LRRC66: variants seen among roughly 807,000 people sequenced by gnomAD.
LRRC66 encodes the protein leucine-rich repeat-containing protein 66.
Under a neutral mutation model 24.6 loss-of-function variants are expected in LRRC66, and 29 were observed. The observed-to-expected ratio is 1.18, with a 90% CI of 0.88 to 1.61. The LOEUF (loss-of-function observed/expected upper bound fraction) is 1.61, where lower values mean the gene tolerates loss of function less well. Among genes scored for constraint, LRRC66 ranks in the 40% most tolerant of loss-of-function variants. The pLI is 0.00. For missense variants in LRRC66, 1,124 were observed against 1,058.0 expected (o/e 1.06, Z -0.87); for synonymous variants, 411 against 397.6 (o/e 1.03, Z -0.40).
chr4:52,016,130 G>A lies in LRRC66; in HGVS notation c.496+988C>T, dbSNP rs536513687. Among the ~76,000 whole-genome samples the A allele has an allele frequency of 2.6e-5, 4 of 152,180 alleles. 1 individual carries two copies. In the South Asian group the frequency reaches 8.3e-4, roughly 32 times the overall value. Reference sequence around the variant, plus strand: ...ATGGAGAAGGTCAGGGAGATAAGACGCCCACCCTTCTCAAACAATTCTGCT... The same window carrying A: ...ATGGAGAAGGTCAGGGAGATAAGACACCCACCCTTCTCAAACAATTCTGCT... On this transcript the variant is annotated intron_variant, in intron 2 of 4. Coordinates refer to ENST00000682860, the MANE Select transcript of LRRC66 (RefSeq NM_001024611.3).
rs1736361570 is a variant in LRRC66 at position 51,997,923 on chromosome 4, G to A, written c.681C>T (p.Ser227=). 6.2e-7 allele frequency: 1 copy of A among 1,613,840 alleles called. No individual in the cohort carries two copies. Among genetic ancestry groups the A allele is most frequent in the Non-Finnish European group, 8.5e-7 (1 of 1,179,900 alleles). Residue 227 remains serine, a synonymous_variant, in exon 4 of 5, where the codon AGC becomes AGT. Coordinates refer to ENST00000682860, the MANE Select transcript of LRRC66 (RefSeq NM_001024611.3). ...GTAGGATGGTAATCAGAGCATTGTT[G>A]CTAAGGTCTATGACCTGTTTGAGAA... is the stretch of plus-strand genomic sequence containing the variant. ...DLKKLQVIDL[S]NNALITILPM...
rs369078257 is a variant in LRRC66 at position 51,995,333 on chromosome 4, G to C, written c.1689C>G (p.His563Gln). 26 of 1,614,048 alleles carry C rather than the reference G, an allele frequency of 1.6e-5. No homozygotes were observed. The highest frequency in any genetic ancestry group is 1.6e-4 in the Middle Eastern group (1 of 6,084). ...CATAACGGCTTGAGCCAGAGACAGC[G>C]TGAGACGTGCCAGCTACAGAAGAGA... The part of the protein sequence containing the change: ...VGVSSVAGTS[H>Q]AVSGSSRYDS... Residue 563 changes from histidine to glutamine, a missense_variant, in exon 5 of 5, where the codon CAC becomes CAG. Transcript: ENST00000682860.
intron 2 of LRRC66, among the ~76,000 whole-genome samples, chr4:52,008,359 A>G (rs1028339704): frequency 6.6e-6 from 1 of 152,108 alleles, no homozygotes; most frequent in Non-Finnish European, 1.5e-5. Context: ...TTATAAGTAT[A>G]ATATGCCTGA....
chr4:52,003,166 T>C (rs1736493729), intron 3 of LRRC66, 57 bp downstream of exon 3: 1 of 1,350,322 alleles, frequency 7.4e-7, no homozygotes, highest in South Asian at 1.3e-5. Flanking sequence ...AATATGCTTC[T>C]AATGTAATTG....
Position 51,995,057 on chromosome 4 carries a change from C to T in LRRC66, c.1965G>A (p.Glu655=). The part of the protein sequence containing the change: ...AEEALSAHYS[E]VPYGDPRDTG... ...TGTCTCTTGGGTCACCGTATGGAACCTCGCTGTAGTGGGCTGAAAGCGCTT... is the reference window on the plus strand; with the variant it reads ...TGTCTCTTGGGTCACCGTATGGAACTTCGCTGTAGTGGGCTGAAAGCGCTT... The change falls in exon 5 of 5, where the codon GAG becomes GAA. Residue 655 remains glutamate, a synonymous_variant. Transcript: ENST00000682860. 1.2e-6 allele frequency: 2 copies of T among 1,614,150 alleles called. No individual in the cohort carries two copies. The highest frequency in any genetic ancestry group is 1.1e-5 in the South Asian group (1 of 91,082).
intron 1 of LRRC66, chr4:52,018,308 G>GA (rs1203339006): frequency 1.0e-5 from 10 of 984,660 alleles, no homozygotes; most frequent in Non-Finnish European, 1.2e-5. Flanking sequence ...ACATTTTTGA[G>GA]AAAAAATTCA....
At chr4:52,019,395 T>A (rs1736894419) in intron 1 of LRRC66, among the ~76,000 whole-genome samples, 1 of 152,204 alleles carries the variant, frequency 6.6e-6, no homozygotes, top group Non-Finnish European at 1.5e-5. Flanking sequence ...TATCTATCTA[T>A]CCAATGTTTT....
chr4:52,004,779 G>A (rs1247389422), intron 2 of LRRC66, among the ~76,000 whole-genome samples: 1 of 152,162 alleles, frequency 6.6e-6, no homozygotes, highest in Non-Finnish European at 1.5e-5. Flanking sequence ...CACCATCAAG[G>A]TTGTCATATG....
At chr4:52,011,939 C>T (rs897004517) in intron 2 of LRRC66, among the ~76,000 whole-genome samples, 3 of 152,142 alleles carry the variant, frequency 2.0e-5, no homozygotes, top group Admixed American at 2.0e-4. Flanking sequence ...AATCCCAGCA[C>T]TTTGGGAGGC....
At chr4:52,009,228 C>G (rs1312171416) in intron 2 of LRRC66, among the ~76,000 whole-genome samples, 1 of 151,992 alleles carries the variant, frequency 6.6e-6, no homozygotes, top group Non-Finnish European at 1.5e-5. Flanking sequence ...ATTTGTGGGA[C>G]GTAGCTAAAG....
At chr4:51,996,618 TA>T (rs1736326288) in intron 4 of LRRC66, among the ~76,000 whole-genome samples, 3 of 152,184 alleles carry the variant, frequency 2.0e-5, no homozygotes, top group Non-Finnish European at 2.9e-5. Flanking sequence ...AGCTATATGT[TA>T]AAGGGTACAT....
At chr4:52,008,446 G>A (rs1736630656) in intron 2 of LRRC66, among the ~76,000 whole-genome samples, 6 of 151,506 alleles carry the variant, frequency 4.0e-5, no homozygotes, top group Admixed American at 3.9e-4. Flanking sequence ...TTGCACACGG[G>A]GAAAGCTGTT....
In LRRC66 at chr4:51,995,734, C is replaced by T; in HGVS notation, c.1288G>A (p.Glu430Lys). Reference protein sequence around the residue: ...YSNEGFYDDMEAAGHTPHPET... With the variant: ...YSNEGFYDDMKAAGHTPHPET... ...GGGTGTGGTGTGTGCCCCGCAGCTT[C>T]CATGTCATCGTAGAAGCCCTCGTTT... Residue 430 changes from glutamate to lysine, a missense_variant, in exon 5 of 5, where the codon GAA (glutamate) becomes AAA (lysine). By Grantham distance (56) the Glu-to-Lys change is moderately conservative. Coordinates refer to ENST00000682860, the MANE Select transcript of LRRC66 (RefSeq NM_001024611.3). The T allele has an allele frequency of 2.5e-6, 4 of 1,614,158 alleles. No homozygotes were observed. Among genetic ancestry groups the T allele is most frequent in the Non-Finnish European group, 3.4e-6 (4 of 1,180,034 alleles).
At chr4:52,007,530 C>T (rs1432734860) in intron 2 of LRRC66, among the ~76,000 whole-genome samples, 2 of 134,794 alleles carry the variant, frequency 1.5e-5, no homozygotes, top group African/African-American at 8.0e-5. Flanking sequence ...CACTTAAGGC[C>T]TCCATGCTTG....
chr4:52,007,887 AC>A (rs999067372), intron 2 of LRRC66, among the ~76,000 whole-genome samples: 32 of 152,248 alleles, frequency 2.1e-4, no homozygotes, highest in African/African-American at 7.0e-4. Flanking sequence ...ACAGACTGGG[AC>A]CCATGTGTAA....
intron 3 of LRRC66, among the ~76,000 whole-genome samples, chr4:52,001,148 C>T (rs940821158): frequency 4.6e-5 from 7 of 152,180 alleles, no homozygotes; most frequent in Non-Finnish European, 1.0e-4. Flanking sequence ...GCATTAACAA[C>T]TAATCATACC....
chr4:52,017,592 C>G lies in LRRC66; in HGVS notation c.22G>C (p.Val8Leu), dbSNP rs534470199. ...TAAAGACCTATAACTATGGTAATGA[C>G]TCTGAAATAGAGGTTTTTCATAATG... The part of the protein sequence containing the change: MKNLYFR[V>L]ITIVIGLYFT... The change falls in exon 2 of 5, where the codon GTC (valine) becomes CTC (leucine). Residue 8 changes from valine to leucine, a missense_variant. Val to Leu is a conservative substitution (Grantham distance 32, BLOSUM62 1). Coordinates refer to ENST00000682860, the MANE Select transcript of LRRC66 (RefSeq NM_001024611.3). The G allele has an allele frequency of 6.3e-7, 1 of 1,576,134 alleles. No homozygotes were observed. The highest frequency in any genetic ancestry group is 8.6e-7 in the Non-Finnish European group (1 of 1,167,752).
At chr4:52,000,318 A>C (rs1176230244) in intron 3 of LRRC66, among the ~76,000 whole-genome samples, 54 of 152,200 alleles carry the variant, frequency 3.5e-4, no homozygotes, top group Non-Finnish European at 2.9e-5. Flanking sequence ...CAACAGATGA[A>C]GGGCAAATTA....
At chr4:51,997,627 T>A (rs1040866931) in intron 4 of LRRC66, 121 bp downstream of exon 4, 1 of 836,270 alleles carries the variant, frequency 1.2e-6, no homozygotes, top group Non-Finnish European at 2.0e-6. Flanking sequence ...CAAGACTGAC[T>A]AATGCCAAGG....
Sources: allele counts gnomAD v4.1 joint callset (sites outside exome capture counted in the v4.1 genomes callset), GRCh38; gene constraint gnomAD v4.1.1; transcripts MANE v1.5; gene names NCBI Gene and HGNC (gene_info 2026-07-23, HGNC 2026-07-21).